The following EIF3C variants were observed in gnomAD, a reference collection of about 807,000 sequenced individuals.
EIF3C encodes eukaryotic translation initiation factor 3 subunit C.
A neutral mutation model predicts 11.1 loss-of-function variants in EIF3C; 2 were observed. The ratio of observed to expected loss-of-function variants is 0.18; its 90% CI spans 0.07 to 0.57. The LOEUF (loss-of-function observed/expected upper bound fraction) is 0.57, where lower values mean the gene tolerates loss of function less well. EIF3C is among the 20% of genes least tolerant of loss of function. The pLI, the probability that EIF3C is intolerant of heterozygous loss-of-function variation, is 0.92. For missense variants in EIF3C, 16 were observed against 114.6 expected, an observed-to-expected ratio of 0.14 and a Z score of 3.93; for synonymous variants, 2 against 41.5, an observed-to-expected ratio of 0.05 and a Z score of 3.66.
In EIF3C at chr16:28,723,455, CA is replaced by C. The variant is rs761380637; in HGVS notation, c.949del (p.Met317CysfsTer17). The C allele has an allele frequency of 1.2e-6, 2 of 1,610,980 alleles. No individual in the cohort carries two copies. The highest frequency in any genetic ancestry group is 2.7e-5 in the African/African-American group (2 of 74,146). On this transcript the variant is annotated frameshift_variant, in exon 10 of 21. Transcript: ENST00000331666. LOFTEE classifies it high-confidence loss of function. ...GGATATGTGCTGATACAGGAGAAGCCAAAAATGTTTGCCAAGGGAACTGAGA... is the reference window on the plus strand; with the variant it reads ...GGATATGTGCTGATACAGGAGAAGCCAAAATGTTTGCCAAGGGAACTGAGA... ...RGGVPLVKEKPKMFAKGTEIT... is the reference protein window; with the variant it reads ...RGGVPLVKEKXKMFAKGTEIT...
At position 28,729,110 on chromosome 16, in the gene EIF3C, T is replaced by G. The variant is rs1335957492; in HGVS notation, c.1818+1865T>G. Reference sequence around the variant, plus strand: ...TTTTTTTTTGGAGACGGAGTCTCGCTCTGTCGGCAGGCTGGAGTGCAGTGG... The same window carrying G: ...TTTTTTTTTGGAGACGGAGTCTCGCGCTGTCGGCAGGCTGGAGTGCAGTGG... On this transcript the variant is annotated intron_variant, in intron 15 of 20. Coordinates refer to ENST00000331666, the MANE Select transcript of EIF3C (RefSeq NM_003752.5). Among the ~76,000 whole-genome samples the G allele has an allele frequency of 1.6e-3, 32 of 20,528 alleles. 1 individual carries two copies. The highest frequency in any genetic ancestry group is 4.7e-3 in the African/African-American group (25 of 5,280). 13.5% of individuals were successfully genotyped at this position (20,528 alleles called of 152,430 possible).
chr16:28,718,634 T>TTTC (rs2048328542), intron 8 of EIF3C, among the ~76,000 whole-genome samples: 1 of 114,018 alleles, frequency 8.8e-6, no homozygotes, highest in Non-Finnish European at 1.7e-5. Context: ...TTTTTTTTTT[T>TTTC]TTTTGAGACA....
chr16:28,727,804 AT>A (rs2048394391), intron 15 of EIF3C, among the ~76,000 whole-genome samples: 2 of 116,164 alleles, frequency 1.7e-5, no homozygotes, highest in Non-Finnish European at 4.0e-5. Context: ...TGGTTATACC[AT>A]TTTACACTCC....
intron 1 of EIF3C, among the ~76,000 whole-genome samples, chr16:28,689,128 C>G (rs1247157349): frequency 2.7e-5 from 1 of 36,664 alleles, no homozygotes; most frequent in Non-Finnish European, 4.6e-5. Context: ...CGAGGCTGGT[C>G]TCGAACTCCT....
intron 1 of EIF3C, among the ~76,000 whole-genome samples, chr16:28,691,851 A>C (rs2048219396): frequency 7.1e-6 from 1 of 140,704 alleles, no homozygotes; most frequent in Admixed American, 7.1e-5. Context: ...TCACTCTGTC[A>C]CCCAGGTTGG....
intron 1 of EIF3C, chr16:28,700,547 C>G: frequency 1.0e-5 from 3 of 299,750 alleles, no homozygotes; most frequent in Non-Finnish European, 1.8e-5. Context: ...CCATCAGGGC[C>G]AAGCTGCTTC....
At chr16:28,698,227 C>CTCCT (rs2048253694) in intron 1 of EIF3C, among the ~76,000 whole-genome samples, 1 of 126,650 alleles carries the variant, frequency 7.9e-6, no homozygotes, top group Non-Finnish European at 1.7e-5. Flanking sequence ...CCTCACCTCC[C>CTCCT]GGACGGGGCG....
intron 16 of EIF3C, among the ~76,000 whole-genome samples, chr16:28,733,087 C>CT (rs1239614120): frequency 5.0e-4 from 12 of 24,068 alleles, no homozygotes; most frequent in East Asian, 7.2e-4. Flanking sequence ...TTCTTTCTTT[C>CT]TTTTTTTTTT....
rs1403998664 is a variant in EIF3C, at chr16:28,696,839, C to G, written c.-31+8011C>G. 3.4e-4 allele frequency among the ~76,000 whole-genome samples: 22 copies of G among 63,948 alleles called. 3 individuals are homozygous for G. The Middle Eastern group carries it at 0.037, about 107-fold the overall frequency. 42.0% of individuals were successfully genotyped at this position (63,948 alleles called of 152,430 possible). On this transcript the variant is annotated intron_variant, in intron 1 of 20. Transcript: ENST00000566501. ...CCAGCCTGGGCAACAGAGCAAGACT[C>G]TATCTCAAAAAAATAAAGACTCAGT...
In EIF3C at chr16:28,699,536, T is replaced by C. The variant is rs531295547; in HGVS notation, c.-31+10708T>C. ...AGGGAGAGGGCATGAAAATAGGAAA[T>C]GTGAATCCTCCAACTTTTTTTTTTG... is the stretch of plus-strand genomic sequence containing the variant. On this transcript the variant is annotated intron_variant, in intron 1 of 20. Transcript: ENST00000566501. Among the ~76,000 whole-genome samples the C allele has an allele frequency of 4.9e-5, 5 of 102,804 alleles. 1 individual carries two copies. Among genetic ancestry groups the C allele is most frequent in the South Asian group, 1.2e-3 (2 of 1,640 alleles). The allele number at this position is 102,804 out of a possible 152,430, so 67.4% of individuals were successfully genotyped here.
At chr16:28,695,991 A>C (rs1395705640) in intron 1 of EIF3C, among the ~76,000 whole-genome samples, 1 of 50,488 alleles carries the variant, frequency 2.0e-5, no homozygotes, top group Non-Finnish European at 3.6e-5. Context: ...TCTGTCTCAA[A>C]GAAAAAAAAT....
chr16:28,725,765 CAAA>C lies in EIF3C; in HGVS notation c.1402+766_1402+768del, dbSNP rs1166823476. 4.9e-3 allele frequency among the ~76,000 whole-genome samples: 102 copies of C among 20,972 alleles called. No individual in the cohort carries two copies. The East Asian group carries it at 0.083, about 17-fold the overall frequency. The allele number at this position is 20,972 out of a possible 152,430, so 13.8% of individuals were successfully genotyped here. ...TGGGCGACAGAGCAAGACTCCATCT[CAAA>C]AAAAAAAAAAAATAGTATGATGTTA... On this transcript the variant is annotated intron_variant, in intron 13 of 20. Coordinates refer to ENST00000331666, the MANE Select transcript of EIF3C (RefSeq NM_003752.5).
intron 1 of EIF3C, among the ~76,000 whole-genome samples, chr16:28,698,891 C>G (rs2048263272): frequency 1.0e-4 from 1 of 9,730 alleles, no homozygotes; most frequent in Non-Finnish European, 1.7e-4. Flanking sequence ...CGGGCAGAGA[C>G]GCTCCTCACT....
At chr16:28,697,506 G>A (rs1596702836) in intron 1 of EIF3C, among the ~76,000 whole-genome samples, 1 of 25,904 alleles carries the variant, frequency 3.9e-5, no homozygotes, top group Admixed American at 3.5e-4. Flanking sequence ...AGGGTTGGGG[G>A]TAAGGTCACA....
chr16:28,723,280 GC>G lies in EIF3C; in HGVS notation c.894del (p.Glu300SerfsTer34). ...RLDEEEEDNE[G>X]GEWERVRGGV... is the part of the protein sequence containing the mutation. Reference sequence around the variant, plus strand: ...GATGAGGAGGAGGAGGACAATGAAGGCGGGGAGTGGGAAAGGGTCCGGGGCG... The same window carrying G: ...GATGAGGAGGAGGAGGACAATGAAGGGGGGAGTGGGAAAGGGTCCGGGGCG... On this transcript the variant is annotated frameshift_variant, in exon 9 of 21. Transcript: ENST00000331666. LOFTEE classifies it high-confidence loss of function. 1 of 1,614,304 alleles carries G rather than the reference GC, an allele frequency of 6.2e-7. No homozygotes were observed. The highest frequency in any genetic ancestry group is 8.5e-7 in the Non-Finnish European group (1 of 1,180,062).
At position 28,729,147 on chromosome 16, in the gene EIF3C, C is replaced by T. The variant is rs1194125065; in HGVS notation, c.1818+1902C>T. On this transcript the variant is annotated intron_variant, in intron 15 of 20. Transcript: ENST00000331666. ...CTGGAGTGCAGTGGCGCGATCTTGA[C>T]GACTCACTACAACCTCTGCTTCCCA... Among the ~76,000 whole-genome samples the T allele has an allele frequency of 5.7e-4, 6 of 10,604 alleles. 1 individual carries two copies. Among genetic ancestry groups the T allele is most frequent in the Admixed American group, 9.7e-4 (1 of 1,028 alleles). The allele number at this position is 10,604 out of a possible 152,430, so 7.0% of individuals were successfully genotyped here.
In EIF3C at chr16:28,696,930, C is replaced by T. The variant is rs1334578743; in HGVS notation, c.-31+8102C>T. On this transcript the variant is annotated intron_variant, in intron 1 of 20. Transcript: ENST00000566501. Reference sequence around the variant, plus strand: ...TTGGGTTTTTTACCCCGCACAGAGGCTGGGATTCTTTTTTATAGCATGCAC... The same window carrying T: ...TTGGGTTTTTTACCCCGCACAGAGGTTGGGATTCTTTTTTATAGCATGCAC... 2.2e-4 allele frequency among the ~76,000 whole-genome samples: 11 copies of T among 49,496 alleles called. 5 individuals carry two copies. Among genetic ancestry groups the T allele is most frequent in the African/African-American group, 6.3e-4 (4 of 6,340 alleles). The allele number at this position is 49,496 out of a possible 152,430, so 32.5% of individuals were successfully genotyped here. A position where few individuals can be genotyped will look rare whatever the true frequency, so the allele number is the denominator to read the frequency against.
chr16:28,696,131 C>T lies in EIF3C; in HGVS notation c.-31+7303C>T, dbSNP rs1161619490. On this transcript the variant is annotated intron_variant, in intron 1 of 20. Coordinates refer to the EIF3C transcript ENST00000566501. ...CTGTAATCCTAGCATTTTGGGAGGC[C>T]GAGGCGGGTGGATCACCTGACGTCA... is the stretch of plus-strand genomic sequence containing the variant. Among the ~76,000 whole-genome samples, 4 of 51,302 alleles carry T rather than the reference C, an allele frequency of 7.8e-5. 1 individual carries two copies. Among genetic ancestry groups the T allele is most frequent in the African/African-American group, 3.1e-4 (2 of 6,480 alleles). 33.7% of individuals were successfully genotyped at this position (51,302 alleles called of 152,430 possible). A position where few individuals can be genotyped will look rare whatever the true frequency, so the allele number is the denominator to read the frequency against.
At chr16:28,710,039 A>AGT (rs2048297746), upstream of EIF3C, among the ~76,000 whole-genome samples, 1 of 121,158 alleles carries the variant, frequency 8.3e-6, no homozygotes, top group African/African-American at 3.0e-5. Context: ...CTCAGGCTGG[A>AGT]GTGCAGTGGC....
Sources: allele counts gnomAD v4.1 joint callset (sites outside exome capture counted in the v4.1 genomes callset), GRCh38; gene constraint gnomAD v4.1.1; transcripts MANE v1.5; gene names NCBI Gene and HGNC (gene_info 2026-07-23, HGNC 2026-07-21).